PLPPR5: variants seen among roughly 807,000 people sequenced by gnomAD.
PLPPR5 encodes the protein phospholipid phosphatase related 5.
A neutral mutation model predicts 33.9 loss-of-function variants in PLPPR5; 16 were observed. The ratio of observed to expected loss-of-function variants is 0.47; its 90% CI spans 0.32 to 0.72. The LOEUF is 0.72. PLPPR5 is among the 30% of genes least tolerant of loss of function. The pLI is 0.03. For synonymous variants in PLPPR5, 163 were observed against 150.3 expected, an observed-to-expected ratio of 1.08 and a Z score of -0.62; for missense variants, 301 against 406.7, an observed-to-expected ratio of 0.74 and a Z score of 2.23.
chr1:98,903,266 T>C (rs1424699499), intron 5 of PLPPR5, among the ~76,000 whole-genome samples: 1 of 152,154 alleles, frequency 6.6e-6, no homozygotes, highest in Non-Finnish European at 1.5e-5. Flanking sequence ...CCACTAACTA[T>C]TCCAATATCT....
chr1:98,998,586 A>G (rs1652712892), intron 1 of PLPPR5, among the ~76,000 whole-genome samples: 1 of 152,074 alleles, frequency 6.6e-6, no homozygotes, highest in Non-Finnish European at 1.5e-5. Flanking sequence ...GAAAATTTTG[A>G]CTCCTGGTAC....
At chr1:98,924,959 G>A (rs1649699716) in intron 3 of PLPPR5, among the ~76,000 whole-genome samples, 2 of 152,122 alleles carry the variant, frequency 1.3e-5, no homozygotes, top group South Asian at 4.1e-4. Context: ...GCTTTATAAT[G>A]CACAAATTTT....
intron 1 of PLPPR5, among the ~76,000 whole-genome samples, chr1:98,994,183 T>C (rs1354682188): frequency 6.8e-6 from 1 of 146,280 alleles, no homozygotes; most frequent in Non-Finnish European, 1.5e-5. Flanking sequence ...AAAGGAAGGA[T>C]GAGAGAGGGA....
chr1:99,004,645 G>A lies in PLPPR5; in HGVS notation c.27C>T (p.Thr9=). ...CCATCTGGAAATAGAGCATGCTGCT[G>A]GTGAGCGCCGCGGGCAGCAGGGGCA... The part of the protein sequence containing the change: MPLLPAAL[T]SSMLYFQMVI... Residue 9 remains threonine, a synonymous_variant, in exon 1 of 6, where the codon ACC becomes ACT. Coordinates refer to ENST00000263177, the MANE Select transcript of PLPPR5 (RefSeq NM_001037317.2). 4 of 1,612,072 alleles carry A rather than the reference G, an allele frequency of 2.5e-6. No homozygotes were observed. The highest frequency in any genetic ancestry group is 3.4e-6 in the Non-Finnish European group (4 of 1,179,430).
intron 5 of PLPPR5, among the ~76,000 whole-genome samples, chr1:98,913,446 A>G (rs1649228484): frequency 6.6e-6 from 1 of 152,158 alleles, no homozygotes. Flanking sequence ...AAGATCATTT[A>G]ACTCTTTTGG....
intron 2 of PLPPR5, among the ~76,000 whole-genome samples, chr1:98,953,883 G>A (rs746422832): frequency 1.2e-4 from 19 of 152,134 alleles, no homozygotes; most frequent in Non-Finnish European, 2.1e-4. Flanking sequence ...TGCTTTCAGA[G>A]TAATCTCTAC....
chr1:98,904,751 G>C (rs1010535623), intron 5 of PLPPR5, among the ~76,000 whole-genome samples: 1 of 152,136 alleles, frequency 6.6e-6, no homozygotes, highest in African/African-American at 2.4e-5. Context: ...GGATCATCTG[G>C]AAGGACTGCC....
intron 1 of PLPPR5, among the ~76,000 whole-genome samples, chr1:98,967,420 A>G (rs1240605494): frequency 6.6e-6 from 1 of 152,148 alleles, no homozygotes; most frequent in East Asian, 1.9e-4. Flanking sequence ...TGCATGTGCC[A>G]GTACAGACAC....
intron 3 of PLPPR5, among the ~76,000 whole-genome samples, chr1:98,942,253 T>C (rs1417325655): frequency 1.3e-5 from 2 of 152,134 alleles, no homozygotes; most frequent in African/African-American, 4.8e-5. Context: ...TTTGTATTTT[T>C]AGTAGAGATG....
At chr1:98,948,248 T>C (rs1650634037) in intron 3 of PLPPR5, among the ~76,000 whole-genome samples, 1 of 152,150 alleles carries the variant, frequency 6.6e-6, no homozygotes, top group Admixed American at 6.5e-5. Flanking sequence ...GTTGTGTTTA[T>C]TTAACCCTTG....
At chr1:98,994,310 T>C (rs1652560739) in intron 1 of PLPPR5, among the ~76,000 whole-genome samples, 1 of 152,084 alleles carries the variant, frequency 6.6e-6, no homozygotes. Flanking sequence ...CTCCTCTTTT[T>C]GTACTTCCAT....
At chr1:98,959,312 G>T (rs1651138460) in intron 1 of PLPPR5, among the ~76,000 whole-genome samples, 1 of 152,162 alleles carries the variant, frequency 6.6e-6, no homozygotes, top group Non-Finnish European at 1.5e-5. Context: ...CCTCTTGCTT[G>T]CCTGCATCTC....
rs768250873 is a variant in PLPPR5 at position 99,004,689 on chromosome 1, G to GGCCGA, written c.-23_-19dup. On this transcript the variant is annotated 5_prime_UTR_variant, in exon 1 of 6. Coordinates refer to ENST00000263177, the MANE Select transcript of PLPPR5 (RefSeq NM_001037317.2). The stretch of plus-strand genomic sequence containing the variant: ...AGGGGCATGCACGCCTCCCGGGCCG[G>GGCCGA]GCCGAGCCGAGCCGAGCGGGCGGTC... The GGCCGA allele has an allele frequency of 3.9e-5, 60 of 1,541,420 alleles. 1 individual carries two copies. Among genetic ancestry groups the GGCCGA allele is most frequent in the Admixed American group, 1.5e-4 (8 of 52,628 alleles).
chr1:98,928,174 C>A (rs1037428691), intron 3 of PLPPR5, among the ~76,000 whole-genome samples: 1 of 151,888 alleles, frequency 6.6e-6, no homozygotes, highest in African/African-American at 2.4e-5. Flanking sequence ...AACTATAGTA[C>A]TAAATTTTCA....
intron 1 of PLPPR5, among the ~76,000 whole-genome samples, chr1:98,985,422 A>G (rs936735311): frequency 1.1e-4 from 17 of 152,122 alleles, no homozygotes; most frequent in African/African-American, 4.1e-4. Flanking sequence ...GAGCTGAAAA[A>G]TTCCTTAGTG....
intron 1 of PLPPR5, among the ~76,000 whole-genome samples, chr1:98,963,338 A>G (rs1651314964): frequency 6.6e-6 from 1 of 152,202 alleles, no homozygotes; most frequent in Non-Finnish European, 1.5e-5. Flanking sequence ...TGCGTTTATA[A>G]GTATCAGTAA....
At chr1:98,923,271 CATG>C (rs1649637899) in intron 3 of PLPPR5, among the ~76,000 whole-genome samples, 1 of 152,040 alleles carries the variant, frequency 6.6e-6, no homozygotes, top group Admixed American at 6.5e-5. Flanking sequence ...TATTTCAAGT[CATG>C]AGTAGAGCAA....
intron 3 of PLPPR5, among the ~76,000 whole-genome samples, chr1:98,926,780 G>A (rs926686713): frequency 6.6e-6 from 1 of 152,108 alleles, no homozygotes; most frequent in African/African-American, 2.4e-5. Context: ...CAAGGACAGA[G>A]CCTCATGGCA....
chr1:98,967,191 A>G (rs115107678), intron 1 of PLPPR5, among the ~76,000 whole-genome samples: 315 of 152,270 alleles, frequency 2.1e-3, no homozygotes, highest in African/African-American at 7.3e-3. Context: ...GAGGTTAAAT[A>G]AATCCTAAAG....
Sources: gnomAD v4.1 joint callset for allele counts (sites outside exome capture counted in the v4.1 genomes callset) on GRCh38, gnomAD v4.1.1 for gene constraint, MANE v1.5 for transcripts, NCBI Gene and HGNC (gene_info 2026-07-23, HGNC 2026-07-21) for gene names.